Variants in UNC13C observed in about 807,000 individuals in gnomAD.
UNC13C encodes unc-13 homolog C.
Under a neutral mutation model 245.4 loss-of-function variants are expected in UNC13C, and 174 were observed. The observed-to-expected ratio is 0.71, with a 90% confidence interval of 0.63 to 0.80. UNC13C has a LOEUF of 0.80. Among genes scored for constraint, UNC13C ranks in the 30% least tolerant of loss-of-function variants. The pLI is 0.00. For missense variants in UNC13C, 2,829 were observed against 2,602.9 expected, an observed-to-expected ratio of 1.09 and a Z score of -1.89; for synonymous variants, 992 against 895.1, an observed-to-expected ratio of 1.11 and a Z score of -1.93.
At chr15:54,389,078 C>T (rs910579169) in intron 17 of UNC13C, among the ~76,000 whole-genome samples, 5 of 152,038 alleles carry the variant, frequency 3.3e-5, no homozygotes, top group Middle Eastern at 3.2e-3. Context: ...ATGCAAACTC[C>T]CTGACATGAC....
the UNC13C span, among the ~76,000 whole-genome samples, chr15:53,920,711 G>A: frequency 1.3e-5 from 2 of 151,798 alleles, no homozygotes; most frequent in South Asian, 2.1e-4. Context: ...AGTGGATGGA[G>A]TCTTCTCCAT....
At chr15:54,165,715 C>T (rs939115514) in intron 4 of UNC13C, among the ~76,000 whole-genome samples, 1 of 152,016 alleles carries the variant, frequency 6.6e-6, no homozygotes, top group African/African-American at 2.4e-5. Flanking sequence ...AATTATTGCT[C>T]TGAATTATTT....
chr15:54,168,764 G>GA (rs998031496), intron 4 of UNC13C, among the ~76,000 whole-genome samples: 15 of 152,068 alleles, frequency 9.9e-5, no homozygotes, highest in East Asian at 3.9e-4. Context: ...AATAAAAGTA[G>GA]AAAAAATCAG....
intron 4 of UNC13C, among the ~76,000 whole-genome samples, chr15:54,204,238 A>G (rs2034634910): frequency 6.6e-6 from 1 of 151,142 alleles, no homozygotes; most frequent in South Asian, 2.1e-4. Context: ...AAATCACGAA[A>G]GAACTTATTC....
At chr15:54,606,687 G>A (rs546393370) in intron 30 of UNC13C, among the ~76,000 whole-genome samples, 1 of 152,312 alleles carries the variant, frequency 6.6e-6, no homozygotes, top group East Asian at 1.9e-4. Flanking sequence ...GAGGAACTAA[G>A]AGTTAAAGAG....
chr15:54,347,529 A>C (rs1001818489), intron 17 of UNC13C, among the ~76,000 whole-genome samples: 1 of 152,230 alleles, frequency 6.6e-6, no homozygotes, highest in African/African-American at 2.4e-5. Context: ...GGGACTTTTT[A>C]AAATCTTATT....
chr15:53,946,914 T>C, the UNC13C span, among the ~76,000 whole-genome samples: 1 of 152,140 alleles, frequency 6.6e-6, no homozygotes, highest in Non-Finnish European at 1.5e-5. Flanking sequence ...TTGTTGAGGA[T>C]TTTTGCATTA....
intron 25 of UNC13C, among the ~76,000 whole-genome samples, chr15:54,528,242 GTC>G (rs1895567136): frequency 6.6e-6 from 1 of 151,812 alleles, no homozygotes; most frequent in East Asian, 1.9e-4. Context: ...CTTGAAGATG[GTC>G]TTAAAACTTT....
intron 4 of UNC13C, among the ~76,000 whole-genome samples, chr15:54,184,120 T>C (rs1019444129): frequency 6.6e-6 from 1 of 152,110 alleles, no homozygotes; most frequent in East Asian, 1.9e-4. Flanking sequence ...AGTATGTTTT[T>C]AGATTGGTTT....
rs115979090 is a variant in UNC13C, at chr15:54,604,107, A to C, written c.6107-18220A>C. On this transcript the variant is annotated intron_variant, in intron 30 of 32. Transcript: ENST00000260323. ...GCTTGTTGATGTGAGAGCTGAACTC[A>C]TGCCCATTTCTTTTTGGAGGTGGCC... Among the ~76,000 whole-genome samples, 1,358 of 152,216 alleles carry C rather than the reference A, an allele frequency of 8.9e-3. 19 individuals are homozygous for C. The highest frequency in any genetic ancestry group is 0.031 in the African/African-American group (1,281 of 41,524).
intron 2 of UNC13C, among the ~76,000 whole-genome samples, chr15:54,072,440 C>A (rs11852819): frequency 1.3e-5 from 2 of 152,132 alleles, no homozygotes; most frequent in African/African-American, 2.4e-5. Context: ...CTGTCCTTTG[C>A]ACTCTTTTGC....
At chr15:53,932,494 C>T in the UNC13C span, among the ~76,000 whole-genome samples, 3 of 152,070 alleles carry the variant, frequency 2.0e-5, no homozygotes, top group South Asian at 6.2e-4. Flanking sequence ...TCGGTAAATA[C>T]CTGAAAGTGT....
At chr15:54,066,258 A>G (rs10518754) in intron 2 of UNC13C, among the ~76,000 whole-genome samples, 25,151 of 152,156 alleles carry the variant, frequency 0.17, 2,210 homozygotes, top group Middle Eastern at 0.22. Flanking sequence ...GTCTTCTAGC[A>G]TGATGGCCAG....
chr15:54,352,646 A>G, intron 17 of UNC13C, among the ~76,000 whole-genome samples: 1 of 152,050 alleles, frequency 6.6e-6, no homozygotes. Flanking sequence ...GCTATCACTC[A>G]TAAGTGGTGT....
At chr15:54,431,355 C>A (rs2040868769) in intron 19 of UNC13C, among the ~76,000 whole-genome samples, 1 of 151,398 alleles carries the variant, frequency 6.6e-6, no homozygotes, top group South Asian at 2.1e-4. Flanking sequence ...TTTTTCTGTG[C>A]CTTCACAGTA....
chr15:54,202,383 C>G (rs1002611810), intron 4 of UNC13C, among the ~76,000 whole-genome samples: 44 of 151,914 alleles, frequency 2.9e-4, no homozygotes, highest in African/African-American at 1.0e-3. Flanking sequence ...GCAAGAAGAA[C>G]AAATATGGAG....
intron 30 of UNC13C, among the ~76,000 whole-genome samples, chr15:54,596,003 A>G (rs1899060032): frequency 1.3e-5 from 2 of 152,186 alleles, no homozygotes; most frequent in Admixed American, 1.3e-4. Flanking sequence ...TTGAAGAAAA[A>G]AAAAAGTCTT....
rs1351443163 is a variant in UNC13C, at chr15:54,378,985, A to G, written c.4714-14063A>G. 4.6e-5 allele frequency among the ~76,000 whole-genome samples: 7 copies of G among 152,196 alleles called. No homozygotes were observed. The East Asian group carries it at 7.7e-4, about 17-fold the overall frequency. Reference sequence around the variant, plus strand: ...CTCATTTAAACTGAAAGGACCCTGTAAAGACTATTGAATATTTTATGGTAA... The same window carrying G: ...CTCATTTAAACTGAAAGGACCCTGTGAAGACTATTGAATATTTTATGGTAA... On this transcript the variant is annotated intron_variant, in intron 17 of 32. Transcript: ENST00000260323.
intron 2 of UNC13C, among the ~76,000 whole-genome samples, chr15:54,140,022 T>C (rs2031938281): frequency 6.6e-6 from 1 of 152,150 alleles, no homozygotes; most frequent in Non-Finnish European, 1.5e-5. Context: ...TTATATTTTG[T>C]GTTTCACTTT....
Sources: allele counts gnomAD v4.1 joint callset (sites outside exome capture counted in the v4.1 genomes callset), GRCh38; gene constraint gnomAD v4.1.1; transcripts MANE v1.5; gene names NCBI Gene and HGNC (gene_info 2026-07-23, HGNC 2026-07-21).